Variants in STRA6 observed in about 807,000 individuals in gnomAD.
STRA6 encodes the protein signaling receptor and transporter of retinol STRA6, also known as receptor for retinol uptake STRA6.
Under a neutral mutation model 83.6 loss-of-function variants are expected in STRA6, and 48 were observed. That is an observed-to-expected ratio of 0.57 (90% CI 0.46 to 0.73). The LOEUF (loss-of-function observed/expected upper bound fraction) is 0.73, where lower values mean the gene tolerates loss of function less well. Ranked by LOEUF, STRA6 falls within the 30% of genes least tolerant of loss-of-function variation. STRA6 has a pLI of 0.00. For missense variants in STRA6, 760 were observed against 838.8 expected, an observed-to-expected ratio of 0.91 and a Z score of 1.16; for synonymous variants, 353 against 362.3, an observed-to-expected ratio of 0.97 and a Z score of 0.29.
chr15:74,193,992 C>G, intron 7 of STRA6, 70 bp from the exon 8 acceptor site: 1 of 1,593,460 alleles, frequency 6.3e-7, no homozygotes, highest in South Asian at 1.1e-5. Flanking sequence ...GAATCCGTTG[C>G]CCTTCCCACC....
upstream of STRA6, among the ~76,000 whole-genome samples, chr15:74,205,116 A>G (rs1449486555): frequency 6.6e-6 from 1 of 152,114 alleles, no homozygotes; most frequent in Non-Finnish European, 1.5e-5. Flanking sequence ...GGGGGAAGAG[A>G]AGAGAGACGG....
intron 12 of STRA6, among the ~76,000 whole-genome samples, chr15:74,187,431 G>A (rs1006287912): frequency 6.6e-6 from 1 of 152,102 alleles, no homozygotes. Flanking sequence ...TCATTTTGCA[G>A]TTGGGGAAAT....
At chr15:74,189,344 TG>T in intron 11 of STRA6, 67 bp from the exon 12 acceptor site, 10 of 1,545,792 alleles carry the variant, frequency 6.5e-6, no homozygotes, top group Non-Finnish European at 8.7e-6. Flanking sequence ...GGGGAGACGC[TG>T]GGGAAGAAAC....
chr15:74,195,622 G>C, intron 6 of STRA6, 30 bp downstream of exon 6: 1 of 1,547,100 alleles, frequency 6.5e-7, no homozygotes. Flanking sequence ...GCTCTGACTA[G>C]TCTCAACTCT....
Position 74,180,027 on chromosome 15 carries a change from A to G in STRA6, c.*53T>C. On this transcript the variant is annotated 3_prime_UTR_variant, in exon 19 of 19. Coordinates refer to ENST00000395105, the MANE Select transcript of STRA6 (RefSeq NM_022369.4). ...AGAGCCGGGGAGGGAGGAGGATGGTAGGCAGGAACATGCCTCAGCACAGAT... is the reference window on the plus strand; with the variant it reads ...AGAGCCGGGGAGGGAGGAGGATGGTGGGCAGGAACATGCCTCAGCACAGAT... The G allele has an allele frequency of 6.3e-7, 1 of 1,590,398 alleles. No homozygotes were observed. Among genetic ancestry groups the G allele is most frequent in the Non-Finnish European group, 8.6e-7 (1 of 1,161,750 alleles).
intron 14 of STRA6, chr15:74,183,506 A>C (rs928998809): frequency 9.5e-6 from 11 of 1,161,202 alleles, no homozygotes; most frequent in Non-Finnish European, 1.1e-5. Flanking sequence ...AGCCTCCCAA[A>C]GTGCTGGGAT....
At position 74,196,047 on chromosome 15, in the gene STRA6, C is replaced by G. The variant is rs115067613; in HGVS notation, c.367G>C (p.Ala123Pro). ...SLCLLLPDED[A>P]LPFLTLASAP... ...GAGGCGAGAGTCAGGAAGGGCAATG[C>G]GTCCTCGTCGGGGAGCAGCAAACAC... is the stretch of plus-strand genomic sequence containing the variant. Residue 123 changes from alanine to proline, a missense_variant, in exon 5 of 19, where the codon GCA (alanine) becomes CCA (proline). Physicochemically the swap from Ala to Pro is conservative, Grantham distance 27 (BLOSUM62 -1). Transcript: ENST00000395105. The G allele has an allele frequency of 1.3e-3, 2,151 of 1,613,966 alleles. 36 individuals carry two copies. The African/African-American group carries it at 0.026, about 19-fold the overall frequency.
chr15:74,197,975 A>C, intron 2 of STRA6, 157 bp from the exon 3 acceptor site: 6 of 770,244 alleles, frequency 7.8e-6, no homozygotes, highest in Non-Finnish European at 1.3e-5. Flanking sequence ...CCACCTTCTC[A>C]GGGTCATTCT....
In STRA6 at chr15:74,179,712, C is replaced by G. The variant is rs1052233880; in HGVS notation, c.*368G>C. ...TGCTTCCACAGCGTGAAGGCCAAGG[C>G]TGAGGTGGAGCTGGGCTGGAGTGGT... On this transcript the variant is annotated 3_prime_UTR_variant, in exon 19 of 19. Transcript: ENST00000395105. 4.7e-6 allele frequency: 1 copy of G among 214,730 alleles called. No homozygotes were observed. The highest frequency in any genetic ancestry group is 9.4e-6 in the Non-Finnish European group (1 of 106,268). 13.3% of individuals were successfully genotyped at this position (214,730 alleles called of 1,614,324 possible). A position where few individuals can be genotyped will look rare whatever the true frequency, so the allele number is the denominator to read the frequency against.
rs753723974 is a variant in STRA6 at position 74,189,152 on chromosome 15, C to T, written c.1053G>A (p.Val351=). The part of the protein sequence containing the change: ...GIVLSEDKQE[V]VELVKHHLWA... ...ACAGATGGTGCTTCACCAGCTCCAC[C>T]ACCTCCTGCTTGTCCTCGGAGAGCA... The change falls in exon 12 of 19, where the codon GTG becomes GTA. Residue 351 remains valine (V), a synonymous_variant. Coordinates refer to ENST00000395105, the MANE Select transcript of STRA6 (RefSeq NM_022369.4). 6.2e-7 allele frequency: 1 copy of T among 1,614,032 alleles called. No homozygotes were observed. Among genetic ancestry groups the T allele is most frequent in the Non-Finnish European group, 8.5e-7 (1 of 1,180,042 alleles).
At chr15:74,185,135 G>A (rs1193666597) in intron 12 of STRA6, 80 bp from the exon 13 acceptor site, 1 of 1,425,628 alleles carries the variant, frequency 7.0e-7, no homozygotes, top group Non-Finnish European at 9.8e-7. Flanking sequence ...TGCCAGGGTG[G>A]TGCCTTGTGG....
chr15:74,189,514 T>G (rs998796810), intron 11 of STRA6, among the ~76,000 whole-genome samples: 3 of 152,204 alleles, frequency 2.0e-5, no homozygotes, highest in African/African-American at 7.2e-5. Context: ...TAACTTCATA[T>G]AGTCAGCCCT....
At chr15:74,185,113 C>A in intron 12 of STRA6, 58 bp from the exon 13 acceptor site, 3 of 1,544,774 alleles carry the variant, frequency 1.9e-6, no homozygotes, top group Non-Finnish European at 2.7e-6. Context: ...CTCCTGGAGG[C>A]CTCAGAACCC....
At chr15:74,211,161 A>G (rs868134435), upstream of STRA6, among the ~76,000 whole-genome samples, 7 of 113,308 alleles carry the variant, frequency 6.2e-5, no homozygotes, top group East Asian at 2.0e-4. Context: ...ACGCACACAC[A>G]CACACACACA....
At position 74,202,239 on chromosome 15, in the gene STRA6, G is replaced by C; in HGVS notation, c.29C>G (p.Thr10Ser). 1 of 1,539,878 alleles carries C rather than the reference G, an allele frequency of 6.5e-7. No homozygotes were observed. Among genetic ancestry groups the C allele is most frequent in the Non-Finnish European group, 8.7e-7 (1 of 1,149,126 alleles). Residue 10 changes from threonine (T) to serine (S), a missense_variant, in exon 2 of 19, where the codon ACC (threonine) becomes AGC (serine). By Grantham distance (58) the Thr-to-Ser change is moderately conservative. Transcript: ENST00000395105. ...GTAGTCCTCTGTGGCCCCGGGGGAG[G>C]TCTGGTTCCCTGCTGGCTGGGACGA... is the stretch of plus-strand genomic sequence containing the variant. MSSQPAGNQ[T>S]SPGATEDYSY...
chr15:74,209,248 C>T, upstream of STRA6: 2 of 1,151,560 alleles, frequency 1.7e-6, no homozygotes, highest in Non-Finnish European at 1.2e-6. Flanking sequence ...TTGCTCGAAA[C>T]TTGATCTCCT....
Position 74,191,405 on chromosome 15 carries a change from G to GGT in STRA6, c.788+17_788+18dup. 3.7e-6 allele frequency: 6 copies of GGT among 1,613,578 alleles called. No individual in the cohort carries two copies. The highest frequency in any genetic ancestry group is 1.7e-4 in the Middle Eastern group (1 of 6,028). On this transcript the variant is annotated intron_variant, in intron 9 of 18. Transcript: ENST00000395105. ...CAGCCCAATCCATTGGCCCACAAAGGGTGTGTCAGAGACCCCACCTGCTTC... is the reference window on the plus strand; with the variant it reads ...CAGCCCAATCCATTGGCCCACAAAGGGTGTGTGTCAGAGACCCCACCTGCTTC...
In STRA6 at chr15:74,181,385, G is replaced by A. The variant is rs570214336; in HGVS notation, c.1594C>T (p.Arg532Ter). The A allele has an allele frequency of 1.2e-5, 20 of 1,613,294 alleles. No individual in the cohort carries two copies. The highest frequency in any genetic ancestry group is 1.6e-5 in the Non-Finnish European group (19 of 1,179,668). Residue 532 changes from arginine to a stop codon, truncating the protein, a stop_gained, in exon 17 of 19, where the codon CGA becomes TGA. Transcript: ENST00000395105. LOFTEE classifies it high-confidence loss of function. ...VLVGAMVATW[R>*]VLLSALYNAI... ...TTGTAGAGGGCAGAGAGGAGCACTC[G>A]CCAGGTGGCCACCATGGCACCCACC...
upstream of STRA6, chr15:74,202,855 C>T: frequency 9.6e-7 from 1 of 1,041,972 alleles, no homozygotes; most frequent in Non-Finnish European, 1.2e-6. Context: ...TTTCTGGCCC[C>T]TTTGGGCCTC....
Sources: gnomAD v4.1 joint callset for allele counts (sites outside exome capture counted in the v4.1 genomes callset) on GRCh38, gnomAD v4.1.1 for gene constraint, MANE v1.5 for transcripts, NCBI Gene and HGNC (gene_info 2026-07-23, HGNC 2026-07-21) for gene names.